The following RALYL variants were observed in gnomAD, a reference collection of about 807,000 sequenced individuals.
RALYL encodes RALY RNA binding protein like, also known as RNA-binding Raly-like protein.
A neutral mutation model predicts 35.1 loss-of-function variants in RALYL; 29 were observed. That is an observed-to-expected ratio of 0.83 (90% CI 0.61 to 1.13). The LOEUF (loss-of-function observed/expected upper bound fraction) is 1.13. RALYL is among the 50% of genes most tolerant of loss of function. The probability of loss-of-function intolerance (pLI) is 0.00; values close to 1 mark genes in which losing one functional copy is unlikely to be tolerated. For synonymous variants in RALYL, 120 were observed against 127.6 expected (o/e 0.94, Z 0.40); for missense variants, 359 against 360.4 (o/e 1.00, Z 0.03).
intron 4 of RALYL, among the ~76,000 whole-genome samples, chr8:84,844,569 C>G (rs1834189876): frequency 6.6e-6 from 1 of 152,194 alleles, no homozygotes; most frequent in African/African-American, 2.4e-5. Context: ...GGCAATTCCT[C>G]AGGGATCCAG....
At chr8:84,696,562 G>C (rs536633797) in intron 2 of RALYL, among the ~76,000 whole-genome samples, 1 of 151,880 alleles carries the variant, frequency 6.6e-6, no homozygotes, top group Non-Finnish European at 1.5e-5. Context: ...AGTATTTACT[G>C]TGTTCTCCAG....
At chr8:84,759,588 T>C (rs1563539659) in intron 2 of RALYL, among the ~76,000 whole-genome samples, 1 of 152,186 alleles carries the variant, frequency 6.6e-6, no homozygotes, top group Non-Finnish European at 1.5e-5. Context: ...GTTTAAGAAA[T>C]ATATACATCT....
At chr8:84,347,334 T>A (rs1265061441) in intron 1 of RALYL, among the ~76,000 whole-genome samples, 1 of 152,138 alleles carries the variant, frequency 6.6e-6, no homozygotes, top group Non-Finnish European at 1.5e-5. Context: ...TTTCTTCATT[T>A]TCCTTGTGCA....
At chr8:84,512,571 T>G (rs983406302) in intron 1 of RALYL, among the ~76,000 whole-genome samples, 24 of 152,182 alleles carry the variant, frequency 1.6e-4, no homozygotes, top group African/African-American at 5.8e-4. Context: ...TTTTGTTGCC[T>G]GTACTTTTGA....
At chr8:84,220,320 A>G (rs1378317039) in intron 1 of RALYL, among the ~76,000 whole-genome samples, 2 of 152,014 alleles carry the variant, frequency 1.3e-5, no homozygotes, top group Non-Finnish European at 2.9e-5. Flanking sequence ...TTTTTGAATA[A>G]TTTTGCTTGA....
At chr8:84,418,308 G>A (rs2044985696) in intron 1 of RALYL, among the ~76,000 whole-genome samples, 1 of 152,076 alleles carries the variant, frequency 6.6e-6, no homozygotes, top group Non-Finnish European at 1.5e-5. Context: ...TTATTATAAA[G>A]CCTTCCATAT....
At chr8:84,479,804 A>C (rs2053858982) in intron 1 of RALYL, among the ~76,000 whole-genome samples, 1 of 152,116 alleles carries the variant, frequency 6.6e-6, no homozygotes, top group Non-Finnish European at 1.5e-5. Context: ...GCTGTTTTCT[A>C]TTTGAGCTTC....
Position 84,847,905 on chromosome 8 carries a change from G to C in RALYL, c.366-2075G>C, listed in dbSNP as rs372456723. 5.3e-5 allele frequency among the ~76,000 whole-genome samples: 8 copies of C among 152,216 alleles called. No homozygotes were observed. The South Asian group carries it at 6.2e-4, about 12-fold the overall frequency. ...AGGCAGACTTTACCTTCATGGATTA[G>C]GTCTGCTCTTAGATCAGGATTTTTC... On this transcript the variant is annotated intron_variant, in intron 4 of 8. Coordinates refer to ENST00000521268, the MANE Select transcript of RALYL (RefSeq NM_173848.7).
intron 2 of RALYL, among the ~76,000 whole-genome samples, chr8:84,735,756 T>G (rs1777251922): frequency 6.6e-6 from 1 of 151,328 alleles, no homozygotes; most frequent in African/African-American, 2.4e-5. Context: ...AAGGACGATT[T>G]TACTATCAAC....
intron 2 of RALYL, among the ~76,000 whole-genome samples, chr8:84,578,369 C>T (rs959108199): frequency 6.6e-6 from 1 of 152,188 alleles, no homozygotes; most frequent in Non-Finnish European, 1.5e-5. Context: ...TCAGGGATCA[C>T]CTAGGTCTGG....
Position 84,222,340 on chromosome 8 carries a change from T to A in RALYL, c.-24+37916T>A, listed in dbSNP as rs11987516. On this transcript the variant is annotated intron_variant, in intron 1 of 8. Coordinates refer to ENST00000521268, the MANE Select transcript of RALYL (RefSeq NM_173848.7). ...TTTCTATGTTACATCTATGCTGTGT[T>A]AACACACTAATTTTATTTATGTAGA... Among the ~76,000 whole-genome samples, 1,071 of 152,280 alleles carry A rather than the reference T, an allele frequency of 7.0e-3. 8 individuals carry two copies. The highest frequency in any genetic ancestry group is 0.024 in the African/African-American group (991 of 41,562).
At chr8:84,585,801 A>G (rs1811861370) in intron 2 of RALYL, among the ~76,000 whole-genome samples, 1 of 152,184 alleles carries the variant, frequency 6.6e-6, no homozygotes, top group Non-Finnish European at 1.5e-5. Flanking sequence ...CAAGTTGCCC[A>G]ACATGAAACA....
At chr8:84,657,127 C>A (rs1352169674) in intron 2 of RALYL, among the ~76,000 whole-genome samples, 1 of 152,128 alleles carries the variant, frequency 6.6e-6, no homozygotes, top group Non-Finnish European at 1.5e-5. Context: ...TTCCACAGAT[C>A]TAGTGAATAG....
At chr8:84,810,308 T>G (rs1825631661) in intron 4 of RALYL, among the ~76,000 whole-genome samples, 1 of 152,132 alleles carries the variant, frequency 6.6e-6, no homozygotes, top group Non-Finnish European at 1.5e-5. Flanking sequence ...GATTCCTTTT[T>G]GAGTTGATTT....
At chr8:84,589,949 T>C (rs1812868351) in intron 2 of RALYL, among the ~76,000 whole-genome samples, 1 of 152,254 alleles carries the variant, frequency 6.6e-6, no homozygotes, top group African/African-American at 2.4e-5. Context: ...TGAGAGGATC[T>C]AATTACTCAG....
chr8:84,813,605 G>T (rs1038131090), intron 4 of RALYL, among the ~76,000 whole-genome samples: 2 of 152,128 alleles, frequency 1.3e-5, no homozygotes, highest in Admixed American at 1.3e-4. Flanking sequence ...AAAAATGTGT[G>T]AATTATATTA....
chr8:84,735,669 T>C (rs1053051333), intron 2 of RALYL, among the ~76,000 whole-genome samples: 4 of 152,050 alleles, frequency 2.6e-5, no homozygotes, highest in Admixed American at 1.3e-4. Context: ...CTACCCTTTT[T>C]ACTAGTACCC....
intron 2 of RALYL, among the ~76,000 whole-genome samples, chr8:84,748,623 A>G (rs748765080): frequency 9.2e-5 from 14 of 152,108 alleles, no homozygotes; most frequent in Non-Finnish European, 2.1e-4. Context: ...TTATGTTATC[A>G]TGCTACCTGA....
At chr8:84,602,885 T>C (rs1053578888) in intron 2 of RALYL, among the ~76,000 whole-genome samples, 1 of 152,034 alleles carries the variant, frequency 6.6e-6, no homozygotes, top group Non-Finnish European at 1.5e-5. Flanking sequence ...TTGAGAATAA[T>C]GGTAGGGGAG....
Sources: allele counts gnomAD v4.1 joint callset (sites outside exome capture counted in the v4.1 genomes callset), GRCh38; gene constraint gnomAD v4.1.1; transcripts MANE v1.5; gene names NCBI Gene and HGNC (gene_info 2026-07-23, HGNC 2026-07-21).